MED12L: variants seen among roughly 807,000 people sequenced by gnomAD.
MED12L encodes mediator complex subunit 12L, also known as mediator of RNA polymerase II transcription subunit 12-like protein.
A neutral mutation model predicts 281.3 loss-of-function variants in MED12L; 60 were observed. The ratio of observed to expected loss-of-function variants is 0.21; its 90% CI spans 0.17 to 0.26. The LOEUF (loss-of-function observed/expected upper bound fraction) is 0.26, where lower values mean the gene tolerates loss of function less well. Among genes scored for constraint, MED12L ranks in the 10% least tolerant of loss-of-function variants. The pLI, the probability that MED12L is intolerant of heterozygous loss-of-function variation, is 1.00. For synonymous variants in MED12L, 974 were observed against 987.2 expected (o/e 0.99, Z 0.25); for missense variants, 2,146 against 2,680.9 (o/e 0.80, Z 4.41).
At chr3:151,210,291 G>C (rs1291642639) in intron 16 of MED12L, among the ~76,000 whole-genome samples, 1 of 152,210 alleles carries the variant, frequency 6.6e-6, no homozygotes, top group African/African-American at 2.4e-5. Flanking sequence ...GCATATGATA[G>C]CTGCATGGTT....
chr3:151,179,230 C>T lies in MED12L; in HGVS notation c.1495-6100C>T, dbSNP rs7648049. 3.3e-3 allele frequency among the ~76,000 whole-genome samples: 501 copies of T among 152,002 alleles called. 2 individuals carry two copies. The highest frequency in any genetic ancestry group is 0.012 in the African/African-American group (482 of 41,442). On this transcript the variant is annotated intron_variant, in intron 11 of 44. Transcript: ENST00000687756. The stretch of plus-strand genomic sequence containing the variant: ...TGGCACCCACCTGTAACACCAACTA[C>T]TTTGGAGGCTAAGGCAGGAGAATCG...
chr3:151,358,916 T>C (rs937601810), intron 20 of MED12L, among the ~76,000 whole-genome samples: 5 of 152,202 alleles, frequency 3.3e-5, no homozygotes, highest in Admixed American at 1.3e-4. Flanking sequence ...TTTTTCGCTT[T>C]ATAGATAATA....
At chr3:151,243,231 G>A (rs1384984516) in intron 16 of MED12L, among the ~76,000 whole-genome samples, 8 of 151,848 alleles carry the variant, frequency 5.3e-5, no homozygotes, top group Non-Finnish European at 1.0e-4. Flanking sequence ...ATCTAGCAAG[G>A]CAGGCCAACG....
chr3:151,233,673 T>C (rs1488980716), intron 16 of MED12L, among the ~76,000 whole-genome samples: 1 of 152,132 alleles, frequency 6.6e-6, no homozygotes, highest in Non-Finnish European at 1.5e-5. Flanking sequence ...GCGGAGGTTG[T>C]GGTGAGCCGA....
intron 16 of MED12L, among the ~76,000 whole-genome samples, chr3:151,283,037 C>T (rs1743018042): frequency 6.6e-6 from 1 of 152,186 alleles, no homozygotes; most frequent in Admixed American, 6.5e-5. Flanking sequence ...AATGACAGGA[C>T]ATGGGACTTC....
At chr3:151,106,600 T>A (rs892952117) in intron 2 of MED12L, among the ~76,000 whole-genome samples, 1 of 152,192 alleles carries the variant, frequency 6.6e-6, no homozygotes, top group Non-Finnish European at 1.5e-5. Context: ...CTTTTACAGC[T>A]GCATTCCACT....
intron 16 of MED12L, among the ~76,000 whole-genome samples, chr3:151,299,121 T>C (rs1460350951): frequency 3.3e-5 from 5 of 152,192 alleles, no homozygotes. Flanking sequence ...AGAGTCACAT[T>C]ATGAATGACA....
intron 16 of MED12L, among the ~76,000 whole-genome samples, chr3:151,288,712 C>G (rs1334280435): frequency 6.6e-6 from 1 of 152,158 alleles, no homozygotes; most frequent in Non-Finnish European, 1.5e-5. Flanking sequence ...CTTGATTTCA[C>G]AGTTCTGACA....
At chr3:151,372,492 A>G (rs1756316199) in intron 26 of MED12L, 75 bp from the exon 27 acceptor site, 1 of 1,052,696 alleles carries the variant, frequency 9.5e-7, no homozygotes. Context: ...CCTGAATGCT[A>G]TCCTCATTTG....
At chr3:151,336,432 A>G (rs2149916252) in intron 16 of MED12L, 1 of 447,258 alleles carries the variant, frequency 2.2e-6, no homozygotes, top group East Asian at 7.0e-5. Context: ...GGTTTCAATA[A>G]AAGTGATTAT....
intron 16 of MED12L, among the ~76,000 whole-genome samples, chr3:151,206,341 G>T (rs6777211): frequency 6.6e-6 from 1 of 151,226 alleles, no homozygotes; most frequent in African/African-American, 2.4e-5. Context: ...TCACATTCTT[G>T]GAATGTGAAC....
intron 11 of MED12L, among the ~76,000 whole-genome samples, chr3:151,184,280 G>T (rs1723017483): frequency 6.6e-6 from 1 of 152,182 alleles, no homozygotes. Flanking sequence ...ATTCTTGGAT[G>T]GCTTTTCAGA....
At chr3:151,094,009 C>T (rs141570825) in intron 2 of MED12L, among the ~76,000 whole-genome samples, 3 of 152,238 alleles carry the variant, frequency 2.0e-5, no homozygotes, top group East Asian at 1.9e-4. Context: ...TGGGTGAGCA[C>T]GAGGTAGGAG....
chr3:151,394,936 G>A lies in MED12L; in HGVS notation c.5820+69G>A, dbSNP rs933258727. 4 of 1,597,862 alleles carry A rather than the reference G, an allele frequency of 2.5e-6. No individual in the cohort carries two copies. The Admixed American group carries it at 6.8e-5, about 27-fold the overall frequency. On this transcript the variant is annotated intron_variant, in intron 39 of 44. Transcript: ENST00000687756. ...CTCTGCTAGCTTGGGATAAGTTTGG[G>A]ATATGTAGCATATTCTTTCTGTATG...
chr3:151,257,551 A>G (rs1738058173), intron 16 of MED12L, among the ~76,000 whole-genome samples: 1 of 152,252 alleles, frequency 6.6e-6, no homozygotes, highest in Non-Finnish European at 1.5e-5. Flanking sequence ...ACTTCAGAAT[A>G]CTGTTGTGAG....
chr3:151,188,114 A>G (rs1403281062), intron 12 of MED12L: 1 of 292,710 alleles, frequency 3.4e-6, no homozygotes, highest in Non-Finnish European at 6.4e-6. Flanking sequence ...CGGCCATACC[A>G]CCCTGAACGC....
chr3:151,196,169 A>G (rs1724626609), intron 16 of MED12L, among the ~76,000 whole-genome samples: 1 of 152,246 alleles, frequency 6.6e-6, no homozygotes, highest in South Asian at 2.1e-4. Context: ...CAGTGACCAC[A>G]TGTCATAATG....
intron 16 of MED12L, chr3:151,198,935 A>G (rs374880382): frequency 6.2e-7 from 1 of 1,613,918 alleles, no homozygotes; most frequent in South Asian, 1.1e-5. Context: ...GATGGGAATC[A>G]TCATATTTGG....
chr3:151,355,993 T>C lies in MED12L; in HGVS notation c.2615T>C (p.Met872Thr), dbSNP rs1202800723. 6.2e-7 allele frequency: 1 copy of C among 1,614,154 alleles called. No homozygotes were observed. The highest frequency in any genetic ancestry group is 1.3e-5 in the African/African-American group (1 of 75,052). The stretch of plus-strand genomic sequence containing the variant: ...CACATTCAGCTCATCTTTGATCTCA[T>C]GGAGCCAGCACTGAACATCAACGGA... ...AHHIQLIFDLMEPALNINGLI... is the reference protein window; with the variant it reads ...AHHIQLIFDLTEPALNINGLI... The change falls in exon 19 of 45, where the codon ATG (methionine) becomes ACG (threonine). Residue 872 changes from methionine (M) to threonine (T), a missense_variant. Around this residue, in one of 9 missense-constraint regions of MED12L, gnomAD observed 404 missense variants for 603.5 expected, o/e 0.67. Transcript: ENST00000687756.
Sources: allele counts gnomAD v4.1 joint callset (sites outside exome capture counted in the v4.1 genomes callset), GRCh38; gene constraint gnomAD v4.1.1; regional missense constraint gnomAD v4.1.1; transcripts MANE v1.5; gene names NCBI Gene and HGNC (gene_info 2026-07-23, HGNC 2026-07-21).